The following AGMO variants were observed in gnomAD, a reference collection of about 807,000 sequenced individuals.
AGMO encodes the protein alkylglycerol monooxygenase, also known as glyceryl-ether monooxygenase.
Under a neutral mutation model 60.2 loss-of-function variants are expected in AGMO, and 75 were observed. The observed-to-expected ratio is 1.25, with a 90% confidence interval of 1.03 to 1.51. The LOEUF is 1.51. AGMO is among the 40% of genes most tolerant of loss of function. AGMO has a pLI of 0.00. For missense variants in AGMO, 763 were observed against 525.5 expected (o/e 1.45, Z -4.42); for synonymous variants, 261 against 177.1 (o/e 1.47, Z -3.76).
At chr7:15,118,177 CACACACA>C in the AGMO span, among the ~76,000 whole-genome samples, 1 of 66,462 alleles carries the variant, frequency 1.5e-5, no homozygotes, top group Non-Finnish European at 4.5e-5. Flanking sequence ...AAGAGAAACA[CACACACA>C]CACACACACA....
chr7:15,435,979 G>T (rs1402755729), intron 3 of AGMO, among the ~76,000 whole-genome samples: 1 of 152,116 alleles, frequency 6.6e-6, no homozygotes, highest in Admixed American at 6.6e-5. Flanking sequence ...ATATAAGATA[G>T]CCATTTAATT....
intron 10 of AGMO, among the ~76,000 whole-genome samples, chr7:15,366,652 A>G (rs1373193359): frequency 2.0e-5 from 3 of 152,046 alleles, no homozygotes; most frequent in Non-Finnish European, 4.4e-5. Flanking sequence ...TTTAAAGGAG[A>G]CTGTGTTTAT....
intron 12 of AGMO, among the ~76,000 whole-genome samples, chr7:15,224,213 T>C (rs974472476): frequency 1.3e-5 from 2 of 152,034 alleles, no homozygotes; most frequent in Non-Finnish European, 2.9e-5. Context: ...AACTACACTC[T>C]TGTCAGCAAC....
intron 3 of AGMO, among the ~76,000 whole-genome samples, chr7:15,513,019 C>T (rs565973762): frequency 5.9e-5 from 9 of 152,122 alleles, no homozygotes; most frequent in Non-Finnish European, 1.3e-4. Context: ...TTTTTGTAAT[C>T]TAATTACTTG....
intron 12 of AGMO, among the ~76,000 whole-genome samples, chr7:15,204,264 C>T (rs1436500587): frequency 1.3e-5 from 2 of 152,078 alleles, no homozygotes; most frequent in East Asian, 3.8e-4. Flanking sequence ...TTACCGTAGT[C>T]ACTCCATTTA....
intron 12 of AGMO, among the ~76,000 whole-genome samples, chr7:15,266,079 G>C (rs1006896352): frequency 4.6e-5 from 7 of 152,058 alleles, no homozygotes; most frequent in Non-Finnish European, 7.4e-5. Context: ...ACTTATAGTA[G>C]TCAAAATCAT....
At chr7:15,544,498 T>C (rs1292940495) in intron 3 of AGMO, among the ~76,000 whole-genome samples, 1 of 152,022 alleles carries the variant, frequency 6.6e-6, no homozygotes, top group Non-Finnish European at 1.5e-5. Flanking sequence ...TGGTAAATAA[T>C]AAAAATACAA....
At chr7:15,549,492 A>G (rs1193786645) in intron 2 of AGMO, among the ~76,000 whole-genome samples, 1 of 151,972 alleles carries the variant, frequency 6.6e-6, no homozygotes. Flanking sequence ...CAAATGGAAA[A>G]CAAAAAAAGG....
intron 10 of AGMO, among the ~76,000 whole-genome samples, chr7:15,371,300 A>C (rs1783202020): frequency 6.6e-6 from 1 of 151,626 alleles, no homozygotes; most frequent in Non-Finnish European, 1.5e-5. Flanking sequence ...AGCTCACGAC[A>C]ACCTCCCTTT....
intron 3 of AGMO, among the ~76,000 whole-genome samples, chr7:15,506,835 C>G (rs1281657905): frequency 6.6e-6 from 1 of 151,578 alleles, no homozygotes; most frequent in African/African-American, 2.4e-5. Flanking sequence ...CAGAGAGTCC[C>G]TAAAAACAAC....
chr7:15,297,556 T>C (rs1246573351), intron 12 of AGMO, among the ~76,000 whole-genome samples: 1 of 152,174 alleles, frequency 6.6e-6, no homozygotes, highest in Non-Finnish European at 1.5e-5. Context: ...ACAGAAAAGT[T>C]AGTGTTGCAT....
intron 3 of AGMO, among the ~76,000 whole-genome samples, chr7:15,482,197 G>A (rs902496973): frequency 6.6e-6 from 1 of 151,896 alleles, no homozygotes; most frequent in Non-Finnish European, 1.5e-5. Flanking sequence ...GGAAACAAAT[G>A]TGTGGTACTC....
At chr7:15,184,505 AGAAG>A in the AGMO span, among the ~76,000 whole-genome samples, 2 of 85,360 alleles carry the variant, frequency 2.3e-5, no homozygotes, top group Non-Finnish European at 4.7e-5. Flanking sequence ...AGGAAGGAAT[AGAAG>A]GAAGGAAGGG....
intron 12 of AGMO, among the ~76,000 whole-genome samples, chr7:15,331,389 T>C (rs1341620798): frequency 2.0e-5 from 3 of 152,110 alleles, no homozygotes; most frequent in Non-Finnish European, 4.4e-5. Flanking sequence ...GTGGTTGAAA[T>C]GTTGTGAGAA....
At chr7:15,369,442 A>G (rs1340569180) in intron 10 of AGMO, among the ~76,000 whole-genome samples, 1 of 152,152 alleles carries the variant, frequency 6.6e-6, no homozygotes, top group Non-Finnish European at 1.5e-5. Flanking sequence ...AAGCCATGCC[A>G]GAAATTTTCC....
At chr7:15,550,711 G>A (rs1784927885) in intron 2 of AGMO, among the ~76,000 whole-genome samples, 1 of 144,546 alleles carries the variant, frequency 6.9e-6, no homozygotes, top group Non-Finnish European at 1.5e-5. Context: ...GGACCAGATG[G>A]ATTCACAGCC....
At chr7:15,538,563 G>T (rs985700541) in intron 3 of AGMO, among the ~76,000 whole-genome samples, 1 of 152,038 alleles carries the variant, frequency 6.6e-6, no homozygotes, top group Non-Finnish European at 1.5e-5. Flanking sequence ...TTAAAATAAA[G>T]AATGTCATAA....
chr7:15,314,223 G>A (rs1328722975), intron 12 of AGMO, among the ~76,000 whole-genome samples: 1 of 151,968 alleles, frequency 6.6e-6, no homozygotes, highest in Non-Finnish European at 1.5e-5. Flanking sequence ...ACTCATAATG[G>A]TGCACAATTT....
intron 2 of AGMO, among the ~76,000 whole-genome samples, chr7:15,558,525 G>T (rs1785214521): frequency 6.6e-6 from 1 of 151,816 alleles, no homozygotes; most frequent in Non-Finnish European, 1.5e-5. Flanking sequence ...GTTCATTTCT[G>T]CTTAAAGGGG....
Sources: allele counts gnomAD v4.1 joint callset (sites outside exome capture counted in the v4.1 genomes callset), GRCh38; gene constraint gnomAD v4.1.1; transcripts MANE v1.5; gene names NCBI Gene and HGNC (gene_info 2026-07-23, HGNC 2026-07-21).